DBN1: variants seen among roughly 807,000 people sequenced by gnomAD.
The protein encoded by DBN1 is drebrin 1.
DBN1 carries 21 observed loss-of-function variants against 83.5 expected under a neutral mutation model. The ratio of observed to expected loss-of-function variants is 0.25; its 90% CI spans 0.18 to 0.36. The LOEUF (loss-of-function observed/expected upper bound fraction) is 0.36, where lower values mean the gene tolerates loss of function less well. Ranked by LOEUF, DBN1 falls within the 10% of genes least tolerant of loss-of-function variation. DBN1 has a pLI of 1.00. For missense variants in DBN1, 874 were observed against 935.7 expected, an observed-to-expected ratio of 0.93 and a Z score of 0.86; for synonymous variants, 381 against 384.9, an observed-to-expected ratio of 0.99 and a Z score of 0.12.
At chr5:177,458,908 G>A (rs541322606) in intron 12 of DBN1, among the ~76,000 whole-genome samples, 190 bp downstream of exon 12, 1 of 152,302 alleles carries the variant, frequency 6.6e-6, no homozygotes, top group South Asian at 2.1e-4. Flanking sequence ...TTGAGAGGGC[G>A]GGTGCTAAGC....
At chr5:177,473,210 G>GC (rs1417579127) in intron 1 of DBN1, 2 of 165,070 alleles carry the variant, frequency 1.2e-5, no homozygotes, top group Non-Finnish European at 2.6e-5. Context: ...CTCCCACCGC[G>GC]CGCCTTGGGC....
chr5:177,471,289 TCC>T (rs925104135), intron 1 of DBN1, among the ~76,000 whole-genome samples: 6 of 151,994 alleles, frequency 3.9e-5, no homozygotes, highest in Non-Finnish European at 7.4e-5. Context: ...CCCTTTTCTT[TCC>T]AAGAGGACCA....
chr5:177,466,980 T>A lies in DBN1; in HGVS notation c.638A>T (p.Gln213Leu). The change falls in exon 7 of 15, where the codon CAG becomes CTG. Residue 213 changes from glutamine (Q) to leucine (L), a missense_variant. This residue lies in a region of DBN1 where 725 missense variants were observed against 719.7 expected (regional missense o/e 1.01). Transcript: ENST00000393565. The surrounding 1 kb of genome is among the most constrained non-coding windows in gnomAD (Gnocchi z 4.8). ...RLRFEQERME[Q>L]ERQEQEERER... The stretch of plus-strand genomic sequence containing the variant: ...GCGCTCCTCTTGCTCCTGCCGCTCC[T>A]GCTCCATCCGCTCCTGCTCGAACCT... 1 of 1,613,418 alleles carries A rather than the reference T, an allele frequency of 6.2e-7. No individual in the cohort carries two copies. The highest frequency in any genetic ancestry group is 1.3e-5 in the African/African-American group (1 of 75,050).
At position 177,457,479 on chromosome 5, in the gene DBN1, G is replaced by T. The variant is rs1756592129; in HGVS notation, c.2042C>A (p.Ala681Glu). The T allele has an allele frequency of 6.2e-7, 1 of 1,614,134 alleles. No homozygotes were observed. Among genetic ancestry groups the T allele is most frequent in the Non-Finnish European group, 8.5e-7 (1 of 1,179,960 alleles). The change falls in exon 15 of 15, where the codon GCA becomes GAA. Residue 681 changes from alanine (A) to glutamate (E), a missense_variant. Physicochemically the swap from Ala to Glu is moderately radical, Grantham distance 107. Transcript: ENST00000393565. ...CTCCTCCTCTTCTGGAACTGGGTCT[G>T]CATCCCAGCATGTGATGTCGATCTC... ...PPEIDITCWD[A>E]DPVPEEEEGF...
intron 1 of DBN1, chr5:177,472,685 G>A (rs1259755495): frequency 3.1e-6 from 2 of 655,412 alleles, no homozygotes; most frequent in Non-Finnish European, 3.9e-6. Flanking sequence ...TTCCTCCCAG[G>A]GATCTCAGCT....
At chr5:177,465,216 G>A (rs537170055) in intron 8 of DBN1, among the ~76,000 whole-genome samples, 1 of 152,292 alleles carries the variant, frequency 6.6e-6, no homozygotes, top group South Asian at 2.1e-4. Context: ...ATAAAATGTG[G>A]TATATCCATA....
intron 10 of DBN1, 123 bp from the exon 11 acceptor site, chr5:177,459,863 A>G (rs1277725689): frequency 8.6e-7 from 1 of 1,156,478 alleles, no homozygotes; most frequent in Non-Finnish European, 1.2e-6. Context: ...GCCTTCAGCC[A>G]GGGGCACAAT....
intron 8 of DBN1, among the ~76,000 whole-genome samples, chr5:177,464,135 A>G (rs1757240205): frequency 6.7e-6 from 1 of 149,422 alleles, no homozygotes; most frequent in Non-Finnish European, 1.5e-5. Flanking sequence ...AAATAAATAA[A>G]AATAAATAAA....
intron 2 of DBN1, 101 bp from the exon 3 acceptor site, chr5:177,468,321 C>T (rs1158852536): frequency 2.0e-6 from 2 of 1,004,994 alleles, no homozygotes; most frequent in Non-Finnish European, 3.1e-6. Context: ...TCCACAGGCA[C>T]CCCCAGGGGT....
At chr5:177,464,498 A>C (rs11740377) in intron 8 of DBN1, among the ~76,000 whole-genome samples, 1 of 150,700 alleles carries the variant, frequency 6.6e-6, no homozygotes. Context: ...GGTGGCTCAC[A>C]CCTGTAATTC....
chr5:177,467,650 C>T lies in DBN1; in HGVS notation c.331-23G>A. 6.4e-7 allele frequency: 1 copy of T among 1,566,342 alleles called. No homozygotes were observed. The highest frequency in any genetic ancestry group is 8.7e-7 in the Non-Finnish European group (1 of 1,155,488). On this transcript the variant is annotated intron_variant, in intron 4 of 14. Coordinates refer to ENST00000393565, the MANE Select transcript of DBN1 (RefSeq NM_001363541.2). This position sits in a 1 kb window ranked among gnomAD's most constrained non-coding sequence, Gnocchi z 9.1. ...ACCCTTCCGCAAGAAGACGGCAGTGCTCAGGCGGCACCATCCTCCCGCCAT... is the reference window on the plus strand; with the variant it reads ...ACCCTTCCGCAAGAAGACGGCAGTGTTCAGGCGGCACCATCCTCCCGCCAT...
At chr5:177,472,594 G>T (rs962887783) in intron 1 of DBN1, among the ~76,000 whole-genome samples, 15 of 152,148 alleles carry the variant, frequency 9.9e-5, no homozygotes, top group African/African-American at 3.4e-4. Flanking sequence ...GGGACCGAGT[G>T]CCCCTTGCTG....
intron 11 of DBN1, 76 bp from the exon 12 acceptor site, chr5:177,459,344 GCCAGC>G: frequency 6.4e-7 from 1 of 1,550,552 alleles, no homozygotes; most frequent in Non-Finnish European, 8.6e-7. Context: ...TTGGGGCCTG[GCCAGC>G]ACCTCCTCTC....
rs1233517096 is a variant in DBN1 at position 177,466,884 on chromosome 5, T to G, written c.707+27A>C. 6.2e-7 allele frequency: 1 copy of G among 1,613,100 alleles called. No individual in the cohort carries two copies. The highest frequency in any genetic ancestry group is 8.5e-7 in the Non-Finnish European group (1 of 1,179,522). ...CCGTCAGGGTGCGCCCGGGGGCCCC[T>G]GGAGCGCTCCGGGCGGGCAGGCTCA... On this transcript the variant is annotated intron_variant, in intron 7 of 14. Transcript: ENST00000393565. The surrounding 1 kb of genome is among the most constrained non-coding windows in gnomAD (Gnocchi z 4.8).
At chr5:177,462,518 G>A (rs1207148903) in intron 8 of DBN1, 1 of 590,824 alleles carries the variant, frequency 1.7e-6, no homozygotes, top group African/African-American at 2.0e-5. Flanking sequence ...TGTTTCCGGA[G>A]GCACCTCCCC....
Position 177,468,199 on chromosome 5 carries a change from G to A in DBN1, c.164C>T (p.Ser55Leu), listed in dbSNP as rs558662294. The change falls in exon 3 of 15, where the codon TCG becomes TTG. Residue 55 changes from serine to leucine, a missense_variant. By Grantham distance (145) the Ser-to-Leu change is moderately radical (BLOSUM62 -2). Coordinates refer to ENST00000393565, the MANE Select transcript of DBN1 (RefSeq NM_001363541.2). ...CACCTTCTGGTTCTCAAAGTGTCCC[G>A]AAAGCTCCTGCAAGCCCCCTTCTAG... ...ASGEGGLQEL[S>L]GHFENQKVMY... 36 of 1,614,092 alleles carry A rather than the reference G, an allele frequency of 2.2e-5. No homozygotes were observed. The highest frequency in any genetic ancestry group is 1.0e-4 in the Admixed American group (6 of 60,034).
At chr5:177,469,219 C>T (rs1757679007) in intron 1 of DBN1, among the ~76,000 whole-genome samples, 1 of 152,114 alleles carries the variant, frequency 6.6e-6, no homozygotes, top group African/African-American at 2.4e-5. Context: ...TCCAAGGCGA[C>T]GGTTCCTTGG....
rs1277787763 is a variant in DBN1, at chr5:177,472,339, G to C, written c.86+1097C>G. The C allele has an allele frequency of 2.1e-5, 31 of 1,505,650 alleles. No homozygotes were observed. The South Asian group carries it at 2.6e-4, about 13-fold the overall frequency. The allele number at this position is 1,505,650 out of a possible 1,614,324, so 93.3% of individuals were successfully genotyped here. ...CTCTTTGCCTCAGTTTCCTCAAGAA[G>C]AACCTGTTCCCATCTGCCAGCAGGG... On this transcript the variant is annotated intron_variant, in intron 1 of 14. Coordinates refer to ENST00000393565, the MANE Select transcript of DBN1 (RefSeq NM_001363541.2).
chr5:177,460,439 A>T lies in DBN1; in HGVS notation c.948T>A (p.His316Gln), dbSNP rs950459565. The T allele has an allele frequency of 5.0e-6, 8 of 1,613,650 alleles. No homozygotes were observed. Residue 316 changes from histidine (H) to glutamine (Q), a missense_variant, in exon 10 of 15, where the codon CAT becomes CAA. His to Gln is a conservative substitution (Grantham distance 24). Around this residue, in one of 4 missense-constraint regions of DBN1, gnomAD observed 725 missense variants for 719.7 expected, o/e 1.01. Coordinates refer to ENST00000393565, the MANE Select transcript of DBN1 (RefSeq NM_001363541.2). Reference protein sequence around the residue: ...GSCDVPSPFNHRPGRPYCPFI... With the variant: ...GSCDVPSPFNQRPGRPYCPFI... ...GGTGGGGCCTAGGACTACCTGGTCG[A>T]TGGTTGAAGGGCGAGGGTACATCAC...
Sources: allele counts gnomAD v4.1 joint callset (sites outside exome capture counted in the v4.1 genomes callset), GRCh38; gene constraint gnomAD v4.1.1; regional missense constraint gnomAD v4.1.1; non-coding constraint Gnocchi (gnomAD v3.1); transcripts MANE v1.5; gene names NCBI Gene and HGNC (gene_info 2026-07-23, HGNC 2026-07-21).